PTPRT: variants seen among roughly 807,000 people sequenced by gnomAD.
PTPRT encodes protein tyrosine phosphatase receptor type T.
A neutral mutation model predicts 176.8 loss-of-function variants in PTPRT; 56 were observed. The ratio of observed to expected loss-of-function variants is 0.32; its 90% confidence interval spans 0.26 to 0.40. The LOEUF (loss-of-function observed/expected upper bound fraction) is 0.40, where lower values mean the gene tolerates loss of function less well. PTPRT is among the 10% of genes least tolerant of loss of function. The pLI is 1.00. For missense variants in PTPRT, 1,540 were observed against 1,908.2 expected (o/e 0.81, Z 3.60); for synonymous variants, 783 against 739.0 (o/e 1.06, Z -0.96).
intron 13 of PTPRT, among the ~76,000 whole-genome samples, chr20:42,263,848 T>C (rs1444005384): frequency 6.6e-6 from 1 of 152,020 alleles, no homozygotes; most frequent in Non-Finnish European, 1.5e-5. Flanking sequence ...TATTTTTAGA[T>C]GATCACTCTG....
intron 1 of PTPRT, among the ~76,000 whole-genome samples, chr20:42,952,876 C>A (rs1294061115): frequency 6.6e-6 from 1 of 152,170 alleles, no homozygotes; most frequent in Non-Finnish European, 1.5e-5. Flanking sequence ...GGTACAATAG[C>A]ACTAACAGCA....
chr20:42,715,744 T>C (rs1188929762), intron 6 of PTPRT, among the ~76,000 whole-genome samples: 3 of 152,206 alleles, frequency 2.0e-5, no homozygotes, highest in African/African-American at 7.2e-5. Context: ...TATTCATGGA[T>C]TGGAAGGTTC....
At chr20:42,203,591 T>TGAGG (rs2055378048) in intron 15 of PTPRT, among the ~76,000 whole-genome samples, 2 of 152,248 alleles carry the variant, frequency 1.3e-5, no homozygotes, top group Non-Finnish European at 2.9e-5. Context: ...TTCTCCCTGC[T>TGAGG]CTTCTACATA....
intron 2 of PTPRT, among the ~76,000 whole-genome samples, chr20:42,823,476 C>A (rs764734937): frequency 3.3e-5 from 5 of 151,992 alleles, no homozygotes; most frequent in Non-Finnish European, 7.4e-5. Context: ...TGTAACAAAC[C>A]TGCATATTGT....
intron 5 of PTPRT, among the ~76,000 whole-genome samples, chr20:42,769,997 G>C (rs115028276): frequency 6.6e-6 from 1 of 152,164 alleles, no homozygotes; most frequent in Non-Finnish European, 1.5e-5. Flanking sequence ...ACATGGGGAC[G>C]GAACTTTGGA....
intron 22 of PTPRT, 78 bp from the exon 23 acceptor site, chr20:42,110,565 G>A (rs2146293533): frequency 6.8e-7 from 1 of 1,461,512 alleles, no homozygotes; most frequent in Non-Finnish European, 9.1e-7. Flanking sequence ...AGCCATAGCT[G>A]CTGCACTGAG....
At chr20:42,128,859 G>T in intron 18 of PTPRT, 29 bp from the exon 19 acceptor site, 1 of 1,576,096 alleles carries the variant, frequency 6.3e-7, no homozygotes. Flanking sequence ...TCAAGGGGAT[G>T]GTTGATAAGA....
At chr20:42,083,182 T>G (rs1600463646) in intron 29 of PTPRT, among the ~76,000 whole-genome samples, 1 of 137,556 alleles carries the variant, frequency 7.3e-6, no homozygotes, top group Admixed American at 7.4e-5. Flanking sequence ...GAGAGAAAGG[T>G]CTCCTATGAA....
intron 7 of PTPRT, among the ~76,000 whole-genome samples, chr20:42,485,561 T>C (rs1268391872): frequency 2.0e-5 from 3 of 152,224 alleles, no homozygotes; most frequent in African/African-American, 7.2e-5. Context: ...TATCTCCTAA[T>C]TGGACTCTGA....
chr20:42,748,630 C>A (rs754842736), intron 6 of PTPRT, among the ~76,000 whole-genome samples: 1 of 152,238 alleles, frequency 6.6e-6, no homozygotes. Flanking sequence ...TATTATTGCA[C>A]CGAGTGCAGT....
intron 1 of PTPRT, among the ~76,000 whole-genome samples, chr20:43,183,024 T>G (rs2015303771): frequency 1.3e-5 from 2 of 152,186 alleles, no homozygotes; most frequent in South Asian, 4.1e-4. Flanking sequence ...GTCTTTAATT[T>G]TAATAGACAT....
At chr20:43,183,830 G>A (rs1156327115) in intron 1 of PTPRT, among the ~76,000 whole-genome samples, 2 of 152,166 alleles carry the variant, frequency 1.3e-5, no homozygotes, top group Non-Finnish European at 2.9e-5. Flanking sequence ...TAATGTTCTC[G>A]AGGCCCATCC....
At chr20:42,307,107 A>C (rs1202465806) in intron 12 of PTPRT, among the ~76,000 whole-genome samples, 1 of 152,172 alleles carries the variant, frequency 6.6e-6, no homozygotes, top group African/African-American at 2.4e-5. Context: ...TGTGGTAGTC[A>C]TTGGGGAAGT....
At chr20:42,778,284 G>A (rs2077165539) in intron 4 of PTPRT, among the ~76,000 whole-genome samples, 1 of 152,188 alleles carries the variant, frequency 6.6e-6, no homozygotes, top group Non-Finnish European at 1.5e-5. Context: ...TGGAGGTAAG[G>A]CAGAGCTTTT....
chr20:42,817,064 A>T (rs1443807627), intron 2 of PTPRT, among the ~76,000 whole-genome samples: 1 of 152,236 alleles, frequency 6.6e-6, no homozygotes, highest in African/African-American at 2.4e-5. Context: ...GAATTTGCAA[A>T]GATTACCAGT....
At chr20:42,508,127 T>TGTGTG (rs1555871976) in intron 7 of PTPRT, among the ~76,000 whole-genome samples, 1 of 146,614 alleles carries the variant, frequency 6.8e-6, no homozygotes, top group African/African-American at 2.6e-5. Context: ...ATTACCCTTT[T>TGTGTG]TGTGTGTGTG....
chr20:42,636,485 G>T (rs2074603616), intron 7 of PTPRT, among the ~76,000 whole-genome samples: 1 of 152,014 alleles, frequency 6.6e-6, no homozygotes, highest in Non-Finnish European at 1.5e-5. Flanking sequence ...GCCATTGGGA[G>T]GATCTTAAAA....
chr20:42,743,511 G>A (rs1216979376), intron 6 of PTPRT, among the ~76,000 whole-genome samples: 5 of 152,196 alleles, frequency 3.3e-5, no homozygotes, highest in Non-Finnish European at 4.4e-5. Context: ...ATTTTAGAAA[G>A]GAATTCCATT....
At chr20:42,036,987 G>C in the PTPRT span, among the ~76,000 whole-genome samples, 1 of 152,188 alleles carries the variant, frequency 6.6e-6, no homozygotes, top group Non-Finnish European at 1.5e-5. Flanking sequence ...TCACTCATTT[G>C]TGATAGCATG....
Sources: gnomAD v4.1 joint callset for allele counts (sites outside exome capture counted in the v4.1 genomes callset) on GRCh38, gnomAD v4.1.1 for gene constraint, MANE v1.5 for transcripts, NCBI Gene and HGNC (gene_info 2026-07-23, HGNC 2026-07-21) for gene names.